Variants in GABRG1 observed in about 807,000 individuals in gnomAD.
GABRG1 encodes gamma-aminobutyric acid receptor subunit gamma-1.
In GABRG1, 49 loss-of-function variants were observed where a neutral mutation model predicts 49.8. The observed-to-expected ratio is 0.98, with a 90% CI of 0.78 to 1.25. The LOEUF (loss-of-function observed/expected upper bound fraction) is 1.25. Among genes scored for constraint, GABRG1 ranks in the 50% most tolerant of loss-of-function variants. The probability of loss-of-function intolerance (pLI) is 0.00; values close to 1 mark genes in which losing one functional copy is unlikely to be tolerated. For synonymous variants in GABRG1, 232 were observed against 185.1 expected (o/e 1.25, Z -2.06); for missense variants, 552 against 552.3 (o/e 1.00, Z 0.01).
chr4:46,041,289 A>C, intron 8 of GABRG1, 35 bp from the exon 9 acceptor site: 1 of 1,600,372 alleles, frequency 6.2e-7, no homozygotes, highest in Non-Finnish European at 8.5e-7. Flanking sequence ...TTGACATCAA[A>C]AAAGTAGCAT....
rs1341481111 is a variant in GABRG1, at chr4:46,037,639, G to A, written c.*3349C>T. On this transcript the variant is annotated 3_prime_UTR_variant, in exon 9 of 9. Coordinates refer to ENST00000295452, the MANE Select transcript of GABRG1 (RefSeq NM_173536.4). ...GTAGTATTTTTTTACAGGAAATTTT[G>A]TAAGAGTAAAAATAGGTACTGGTAT... 1 of 151,688 alleles carries A rather than the reference G, an allele frequency of 6.6e-6. No individual in the cohort carries two copies. The highest frequency in any genetic ancestry group is 2.4e-5 in the African/African-American group (1 of 41,386). 9.4% of individuals were successfully genotyped at this position (151,688 alleles called of 1,614,324 possible).
chr4:46,067,717 A>G (rs1718970798), intron 3 of GABRG1, among the ~76,000 whole-genome samples: 1 of 152,156 alleles, frequency 6.6e-6, no homozygotes, highest in East Asian at 1.9e-4. Context: ...TCTGATAGCC[A>G]CACCCTTGCT....
intron 3 of GABRG1, among the ~76,000 whole-genome samples, chr4:46,077,879 G>T (rs1719416717): frequency 6.6e-6 from 1 of 151,354 alleles, no homozygotes; most frequent in Non-Finnish European, 1.5e-5. Context: ...AGATTCTAAG[G>T]TTAATCTAAT....
At chr4:46,099,962 G>T (rs556733618) in intron 1 of GABRG1, among the ~76,000 whole-genome samples, 1 of 151,602 alleles carries the variant, frequency 6.6e-6, no homozygotes, top group Admixed American at 6.6e-5. Flanking sequence ...TTTGAGATAC[G>T]TTTATATATG....
Position 46,040,136 on chromosome 4 carries a change from GA to G in GABRG1, c.*851del, listed in dbSNP as rs536621966. 2 of 151,578 alleles carry G rather than the reference GA, an allele frequency of 1.3e-5. No individual in the cohort carries two copies. Among genetic ancestry groups the G allele is most frequent in the African/African-American group, 2.4e-5 (1 of 41,342 alleles). 9.4% of individuals were successfully genotyped at this position (151,578 alleles called of 1,614,324 possible). On this transcript the variant is annotated 3_prime_UTR_variant, in exon 9 of 9. Coordinates refer to ENST00000295452, the MANE Select transcript of GABRG1 (RefSeq NM_173536.4). ...CTGCAACACTTTCATAAAACATAAA[GA>G]AAAAAATAATCATTTCTCTCTGCAT...
At chr4:46,051,710 A>G in intron 7 of GABRG1, 72 bp from the exon 8 acceptor site, 1 of 926,282 alleles carries the variant, frequency 1.1e-6, no homozygotes, top group Non-Finnish European at 1.7e-6. Flanking sequence ...TGATTTGGCA[A>G]TATTGTGAGT....
intron 8 of GABRG1, among the ~76,000 whole-genome samples, chr4:46,043,287 T>C (rs1393643649): frequency 6.6e-6 from 1 of 151,922 alleles, no homozygotes; most frequent in Admixed American, 6.6e-5. Flanking sequence ...ATTTAAAAAA[T>C]GAACTCTCTG....
At chr4:46,114,533 A>C (rs950034853) in intron 1 of GABRG1, among the ~76,000 whole-genome samples, 2 of 151,048 alleles carry the variant, frequency 1.3e-5, no homozygotes, top group Admixed American at 1.3e-4. Flanking sequence ...AAGCAATTTG[A>C]AGGTATTTAG....
chr4:46,084,433 A>G (rs1719681422), intron 2 of GABRG1, among the ~76,000 whole-genome samples: 1 of 151,602 alleles, frequency 6.6e-6, no homozygotes, highest in South Asian at 2.1e-4. Context: ...GGCAAGATGT[A>G]TTTATTCTTT....
chr4:46,076,361 TCATATATATATA>T (rs1250354653), intron 3 of GABRG1, among the ~76,000 whole-genome samples: 29 of 78,150 alleles, frequency 3.7e-4, no homozygotes, highest in African/African-American at 9.9e-4. Flanking sequence ...TAGGTCATGT[TCATATATATATA>T]TATATATATA....
At chr4:46,108,923 T>A (rs1205668194) in intron 1 of GABRG1, among the ~76,000 whole-genome samples, 1 of 151,086 alleles carries the variant, frequency 6.6e-6, no homozygotes, top group Non-Finnish European at 1.5e-5. Context: ...GCCCTTGCAT[T>A]GATAACATAG....
chr4:46,069,218 A>T (rs191117211), intron 3 of GABRG1, among the ~76,000 whole-genome samples: 5 of 152,042 alleles, frequency 3.3e-5, no homozygotes, highest in African/African-American at 1.2e-4. Context: ...GCATAATTTC[A>T]TCATAAAATT....
chr4:46,050,204 A>G (rs1316018168), intron 8 of GABRG1, among the ~76,000 whole-genome samples: 1 of 151,944 alleles, frequency 6.6e-6, no homozygotes, highest in East Asian at 1.9e-4. Context: ...AGCAAAAATG[A>G]CGTGAAGTTG....
intron 8 of GABRG1, among the ~76,000 whole-genome samples, chr4:46,043,808 A>G (rs1256571270): frequency 6.6e-6 from 1 of 152,044 alleles, no homozygotes; most frequent in African/African-American, 2.4e-5. Context: ...TGAGAAATTC[A>G]TCAAATTTTC....
At chr4:46,092,335 GTAGTT>G (rs1001586545) in intron 2 of GABRG1, among the ~76,000 whole-genome samples, 43 of 152,026 alleles carry the variant, frequency 2.8e-4, no homozygotes, top group African/African-American at 9.6e-4. Context: ...AAATGACACT[GTAGTT>G]TATGGAAAAA....
At chr4:46,099,993 G>A (rs1326194735) in intron 1 of GABRG1, among the ~76,000 whole-genome samples, 10 of 151,720 alleles carry the variant, frequency 6.6e-5, no homozygotes, top group Non-Finnish European at 1.5e-4. Flanking sequence ...CTTTGAGCCT[G>A]TACTTCTAAG....
At chr4:46,076,319 C>CA (rs997888118) in intron 3 of GABRG1, among the ~76,000 whole-genome samples, 1 of 137,594 alleles carries the variant, frequency 7.3e-6, no homozygotes, top group African/African-American at 2.7e-5. Flanking sequence ...AATCTCCTAA[C>CA]ATGACAAAAT....
Position 46,040,909 on chromosome 4 carries a change from A to C in GABRG1, c.*79T>G. On this transcript the variant is annotated 3_prime_UTR_variant, in exon 9 of 9. Transcript: ENST00000295452. ...ATTGGTCTCTCTGCATTTTAAATTT[A>C]AACTTCAAGTTACTGAAGCACAAAA... The C allele has an allele frequency of 7.2e-7, 1 of 1,391,824 alleles. No individual in the cohort carries two copies. Among genetic ancestry groups the C allele is most frequent in the South Asian group, 1.4e-5 (1 of 72,796 alleles). The allele number at this position is 1,391,824 out of a possible 1,614,324, so 86.2% of individuals were successfully genotyped here.
At chr4:46,100,486 A>G (rs1189728657) in intron 1 of GABRG1, among the ~76,000 whole-genome samples, 1 of 147,430 alleles carries the variant, frequency 6.8e-6, no homozygotes, top group Non-Finnish European at 1.5e-5. Flanking sequence ...TAAAAAAAAA[A>G]TACTGAAGTA....
Sources: allele counts gnomAD v4.1 joint callset (sites outside exome capture counted in the v4.1 genomes callset), GRCh38; gene constraint gnomAD v4.1.1; transcripts MANE v1.5; gene names NCBI Gene and HGNC (gene_info 2026-07-23, HGNC 2026-07-21).